MACROD2: variants seen among roughly 807,000 people sequenced by gnomAD.
The protein encoded by MACROD2 is mono-ADP ribosylhydrolase 2.
Under a neutral mutation model 70.4 loss-of-function variants are expected in MACROD2, and 36 were observed. That is an observed-to-expected ratio of 0.51 (90% CI 0.39 to 0.68). The LOEUF (loss-of-function observed/expected upper bound fraction) is 0.68. Ranked by LOEUF, MACROD2 falls within the 30% of genes least tolerant of loss-of-function variation. MACROD2 has a pLI of 0.00. For missense variants in MACROD2, 496 were observed against 538.4 expected (o/e 0.92, Z 0.78); for synonymous variants, 172 against 178.8 (o/e 0.96, Z 0.30).
intron 2 of MACROD2, among the ~76,000 whole-genome samples, chr20:14,061,365 TAAC>T (rs1159709716): frequency 6.6e-6 from 1 of 152,152 alleles, no homozygotes; most frequent in Non-Finnish European, 1.5e-5. Flanking sequence ...TTTGGCAGGA[TAAC>T]AAGAAATAAA....
At chr20:14,938,907 T>C (rs1283130733) in intron 5 of MACROD2, among the ~76,000 whole-genome samples, 2 of 151,246 alleles carry the variant, frequency 1.3e-5, no homozygotes, top group Admixed American at 6.6e-5. Flanking sequence ...TTGAGAAGTG[T>C]CTATTCAGAT....
chr20:14,706,622 C>A (rs1036002245), intron 5 of MACROD2, among the ~76,000 whole-genome samples: 3 of 152,106 alleles, frequency 2.0e-5, no homozygotes, highest in African/African-American at 7.2e-5. Context: ...TCCCCAAAAG[C>A]TGATTTTCCA....
At chr20:14,454,418 G>GTTT (rs56799693) in intron 3 of MACROD2, among the ~76,000 whole-genome samples, 2 of 145,722 alleles carry the variant, frequency 1.4e-5, no homozygotes, top group African/African-American at 2.5e-5. Context: ...TTCCACATGA[G>GTTT]TTTTTTTTTT....
rs893095750 is a variant in MACROD2 at position 14,846,231 on chromosome 20, T to G, written c.418+161272T>G. Among the ~76,000 whole-genome samples the G allele has an allele frequency of 2.0e-5, 3 of 152,272 alleles. No homozygotes were observed. The South Asian group carries it at 6.2e-4, about 32-fold the overall frequency. On this transcript the variant is annotated intron_variant, in intron 5 of 17. Transcript: ENST00000684519. ...TGCATTAAAATGTCAACTTTTTTCTTTTTTTGAGACGGAGTCTCGCACTGC... is the reference window on the plus strand; with the variant it reads ...TGCATTAAAATGTCAACTTTTTTCTGTTTTTGAGACGGAGTCTCGCACTGC...
intron 6 of MACROD2, among the ~76,000 whole-genome samples, chr20:15,299,143 C>G (rs1016398817): frequency 6.6e-6 from 1 of 152,142 alleles, no homozygotes; most frequent in African/African-American, 2.4e-5. Context: ...ACTGTTGCCT[C>G]TGAAGAAAAG....
At chr20:15,142,831 C>G (rs6074849) in intron 5 of MACROD2, among the ~76,000 whole-genome samples, 1 of 151,812 alleles carries the variant, frequency 6.6e-6, no homozygotes, top group African/African-American at 2.4e-5. Context: ...TCCCTACAAA[C>G]GACATGAACT....
intron 7 of MACROD2, among the ~76,000 whole-genome samples, chr20:15,441,713 G>A (rs1211426781): frequency 3.3e-5 from 5 of 152,154 alleles, no homozygotes; most frequent in Admixed American, 3.3e-4. Flanking sequence ...GCACTCCCTT[G>A]TAGTTGTGTC....
intron 4 of MACROD2, among the ~76,000 whole-genome samples, chr20:14,606,945 C>T (rs1228788770): frequency 6.6e-6 from 1 of 152,184 alleles, no homozygotes; most frequent in Non-Finnish European, 1.5e-5. Flanking sequence ...AGTGCACACA[C>T]ACACAATTCA....
chr20:14,450,755 G>A (rs1462663826), intron 3 of MACROD2, among the ~76,000 whole-genome samples: 2 of 152,048 alleles, frequency 1.3e-5, no homozygotes, highest in Non-Finnish European at 2.9e-5. Context: ...AATACTTCAT[G>A]AACAATTCCT....
chr20:14,702,859 C>T (rs1337509966), intron 5 of MACROD2, among the ~76,000 whole-genome samples: 4 of 151,154 alleles, frequency 2.6e-5, no homozygotes, highest in South Asian at 2.1e-4. Flanking sequence ...TCCCTAGTAG[C>T]TAGGATTATA....
chr20:14,032,822 A>C (rs1273711877), intron 2 of MACROD2, among the ~76,000 whole-genome samples: 1 of 152,188 alleles, frequency 6.6e-6, no homozygotes, highest in Non-Finnish European at 1.5e-5. Flanking sequence ...AAGTGGGATT[A>C]GTGGTGGTAC....
intron 5 of MACROD2, among the ~76,000 whole-genome samples, chr20:15,161,311 T>C (rs1388998721): frequency 6.6e-6 from 1 of 151,364 alleles, no homozygotes; most frequent in African/African-American, 2.4e-5. Flanking sequence ...ATTATTATAG[T>C]ACGATAATTT....
At chr20:15,276,273 G>A (rs1456975274) in intron 6 of MACROD2, among the ~76,000 whole-genome samples, 2 of 151,882 alleles carry the variant, frequency 1.3e-5, no homozygotes, top group Non-Finnish European at 2.9e-5. Context: ...GGTGGCAGGC[G>A]CCTGTAGTCC....
chr20:14,829,936 A>G lies in MACROD2; in HGVS notation c.418+144977A>G, dbSNP rs1056551043. On this transcript the variant is annotated intron_variant, in intron 5 of 17. Transcript: ENST00000684519. ...AGTTCAATGCATACATTGATAATTT[A>G]TTATGATAAATTGATGCAGAATATT... Among the ~76,000 whole-genome samples, 28 of 152,148 alleles carry G rather than the reference A, an allele frequency of 1.8e-4. 1 individual carries two copies. The highest frequency in any genetic ancestry group is 4.1e-4 in the South Asian group (2 of 4,826).
At chr20:15,664,938 A>G (rs1261380813) in intron 8 of MACROD2, among the ~76,000 whole-genome samples, 1 of 152,170 alleles carries the variant, frequency 6.6e-6, no homozygotes, top group Admixed American at 6.5e-5. Context: ...CTGGGCAGTA[A>G]TTCAACTTAT....
At chr20:15,654,427 G>A (rs1269572407) in intron 8 of MACROD2, among the ~76,000 whole-genome samples, 1 of 152,204 alleles carries the variant, frequency 6.6e-6, no homozygotes, top group African/African-American at 2.4e-5. Flanking sequence ...GAGTTCAGAA[G>A]TCTACGTATT....
intron 8 of MACROD2, among the ~76,000 whole-genome samples, chr20:15,784,710 TA>T (rs1425019422): frequency 1.3e-5 from 2 of 152,160 alleles, no homozygotes. Context: ...GACATATGAT[TA>T]AAACAAGAAC....
At chr20:15,381,237 T>C (rs2045639788) in intron 6 of MACROD2, among the ~76,000 whole-genome samples, 3 of 151,988 alleles carry the variant, frequency 2.0e-5, no homozygotes, top group Non-Finnish European at 2.9e-5. Flanking sequence ...TGTTAAACAT[T>C]TACCAGCACA....
intron 3 of MACROD2, among the ~76,000 whole-genome samples, chr20:14,182,120 C>G (rs965002525): frequency 2.6e-5 from 4 of 152,124 alleles, no homozygotes; most frequent in African/African-American, 9.7e-5. Context: ...TATGAGGGTT[C>G]CAATTTCTTT....
Sources: gnomAD v4.1 joint callset for allele counts (sites outside exome capture counted in the v4.1 genomes callset) on GRCh38, gnomAD v4.1.1 for gene constraint, MANE v1.5 for transcripts, NCBI Gene and HGNC (gene_info 2026-07-23, HGNC 2026-07-21) for gene names.